SIGLEC6: variants seen among roughly 807,000 people sequenced by gnomAD.
SIGLEC6 encodes the protein sialic acid-binding Ig-like lectin 6.
A neutral mutation model predicts 41.4 loss-of-function variants in SIGLEC6; 31 were observed. That is an observed-to-expected ratio of 0.75 (90% CI 0.56 to 1.01). The LOEUF (loss-of-function observed/expected upper bound fraction) is 1.01, where lower values mean the gene tolerates loss of function less well. SIGLEC6 is among the 50% of genes least tolerant of loss of function. SIGLEC6 has a pLI of 0.00. For synonymous variants in SIGLEC6, 217 were observed against 231.0 expected (o/e 0.94, Z 0.55); for missense variants, 555 against 558.6 (o/e 0.99, Z 0.06).
chr19:51,531,406 A>G lies in SIGLEC6; in HGVS notation c.181T>C (p.Tyr61His). 1.2e-6 allele frequency: 2 copies of G among 1,614,098 alleles called. No homozygotes were observed. Among genetic ancestry groups the G allele is most frequent in the Non-Finnish European group, 1.7e-6 (2 of 1,180,000 alleles). Residue 61 changes from tyrosine to histidine, a missense_variant, in exon 2 of 8, where the codon TAC becomes CAC. Tyr to His is a moderately conservative substitution (Grantham distance 83). Coordinates refer to ENST00000425629, the MANE Select transcript of SIGLEC6 (RefSeq NM_001245.7). ...AGGAACCAGTAGCCATAACCATAGT[A>G]CGAGGCTGGAAGGGTAGTGGGCAAT... The part of the protein sequence containing the change: ...CRLPTTLPAS[Y>H]YGYGYWFLEG...
At chr19:51,521,007 C>T (rs1419486207) in intron 7 of SIGLEC6, among the ~76,000 whole-genome samples, 1 of 152,110 alleles carries the variant, frequency 6.6e-6, no homozygotes, top group East Asian at 1.9e-4. Context: ...TAGTTAAAAA[C>T]AGGAAACAAA....
At chr19:51,521,482 T>C (rs1990934438) in intron 7 of SIGLEC6, among the ~76,000 whole-genome samples, 1 of 152,184 alleles carries the variant, frequency 6.6e-6, no homozygotes, top group East Asian at 1.9e-4. Context: ...TGGGATAATA[T>C]ATTCCTGCCT....
chr19:51,524,149 A>G lies in SIGLEC6; in HGVS notation c.1188+3598T>C, dbSNP rs192310358. 2.1e-3 allele frequency among the ~76,000 whole-genome samples: 322 copies of G among 152,380 alleles called. 2 individuals are homozygous for G. Among genetic ancestry groups the G allele is most frequent in the African/African-American group, 7.5e-3 (310 of 41,594 alleles). On this transcript the variant is annotated intron_variant, in intron 7 of 7. Coordinates refer to ENST00000425629, the MANE Select transcript of SIGLEC6 (RefSeq NM_001245.7). ...ATTAAACTGAGCCAAATCAATAATC[A>G]CATTAAATATAAATGGTCTAAACAC...
chr19:51,527,733 T>G lies in SIGLEC6; in HGVS notation c.1188+14A>C, dbSNP rs1465016581. 1.9e-6 allele frequency: 3 copies of G among 1,612,708 alleles called. No homozygotes were observed. The highest frequency in any genetic ancestry group is 1.7e-6 in the Non-Finnish European group (2 of 1,178,944). On this transcript the variant is annotated intron_variant, in intron 7 of 7. Coordinates refer to ENST00000425629, the MANE Select transcript of SIGLEC6 (RefSeq NM_001245.7). Reference sequence around the variant, plus strand: ...GGATAATGCTGAATGGAAATTAAGGTCTCTGTCACTCACCCTGGAGCCTGA... The same window carrying G: ...GGATAATGCTGAATGGAAATTAAGGGCTCTGTCACTCACCCTGGAGCCTGA...
At chr19:51,524,757 C>T (rs376947313) in intron 7 of SIGLEC6, among the ~76,000 whole-genome samples, 6 of 152,094 alleles carry the variant, frequency 3.9e-5, no homozygotes, top group Admixed American at 1.3e-4. Context: ...AACATTAGCT[C>T]GCCAACTAGA....
intron 7 of SIGLEC6, among the ~76,000 whole-genome samples, chr19:51,527,011 A>C (rs1189657151): frequency 6.6e-6 from 1 of 152,234 alleles, no homozygotes. Context: ...GAATTTTAGA[A>C]ATGAACAAAA....
At position 51,519,313 on chromosome 19, in the gene SIGLEC6, A is replaced by AAG; in HGVS notation, c.*768_*769insCT. Among the ~76,000 whole-genome samples, 1 of 151,150 alleles carries AAG rather than the reference A, an allele frequency of 6.6e-6. No homozygotes were observed. Among genetic ancestry groups the AAG allele is most frequent in the African/African-American group, 2.4e-5 (1 of 41,060 alleles). On this transcript the variant is annotated 3_prime_UTR_variant, in exon 8 of 8. Coordinates refer to ENST00000425629, the MANE Select transcript of SIGLEC6 (RefSeq NM_001245.7). The stretch of plus-strand genomic sequence containing the variant: ...CCATCTCAGAAAAAAAAAAAAAAAA[A>AAG]AAAAGCTAGCCAAAGCCAGATACAA...
chr19:51,525,727 A>T (rs10853836), intron 7 of SIGLEC6, among the ~76,000 whole-genome samples: 82 of 151,356 alleles, frequency 5.4e-4, no homozygotes, highest in African/African-American at 1.9e-3. Flanking sequence ...TCCCTGTGGG[A>T]CCCCTACTCC....
In SIGLEC6 at chr19:51,531,289, T is replaced by C. The variant is rs1034446299; in HGVS notation, c.298A>G (p.Arg100Gly). ...ATGCTCAGGGAGCAGTTCTTCCTTC[T>C]GGGATCCCAGAGGAGGTGGAATCGG... Reference protein sequence around the residue: ...RGRFHLLWDPRRKNCSLSIRD... With the variant: ...RGRFHLLWDPGRKNCSLSIRD... Residue 100 changes from arginine to glycine, a missense_variant, in exon 2 of 8, where the codon AGA (arginine) becomes GGA (glycine). Coordinates refer to ENST00000425629, the MANE Select transcript of SIGLEC6 (RefSeq NM_001245.7). 4.3e-6 allele frequency: 7 copies of C among 1,614,182 alleles called. No homozygotes were observed. Among genetic ancestry groups the C allele is most frequent in the Non-Finnish European group, 5.9e-6 (7 of 1,180,012 alleles).
Position 51,531,265 on chromosome 19 carries a change from T to C in SIGLEC6, c.322A>G (p.Ile108Val). ...DPRRKNCSLS[I>V]RDARRRDNAA... is the part of the protein sequence containing the mutation. ...TTGTCCCTCCTCCGGGCATCTCTGA[T>C]GCTCAGGGAGCAGTTCTTCCTTCTG... Residue 108 changes from isoleucine (I) to valine (V), a missense_variant, in exon 2 of 8, where the codon ATC becomes GTC. Transcript: ENST00000425629. 1 of 1,614,164 alleles carries C rather than the reference T, an allele frequency of 6.2e-7. No homozygotes were observed. The highest frequency in any genetic ancestry group is 8.5e-7 in the Non-Finnish European group (1 of 1,180,006).
chr19:51,522,852 T>A (rs1295907168), intron 7 of SIGLEC6, among the ~76,000 whole-genome samples: 1 of 151,550 alleles, frequency 6.6e-6, no homozygotes, highest in Admixed American at 6.6e-5. Flanking sequence ...TATAAAGAAC[T>A]GGGCTGGGTG....
At position 51,531,597 on chromosome 19, in the gene SIGLEC6, G is replaced by A. The variant is rs370168438; in HGVS notation, c.52C>T (p.Pro18Ser). 21 of 1,613,508 alleles carry A rather than the reference G, an allele frequency of 1.3e-5. No individual in the cohort carries two copies. In the Middle Eastern group the frequency reaches 6.6e-4, roughly 51 times the overall value. Residue 18 changes from proline (P) to serine (S), a missense_variant, in exon 1 of 8, where the codon CCC becomes TCC. By Grantham distance (74) the Pro-to-Ser change is moderately conservative. Transcript: ENST00000425629. ...SASEMLPLLLPLLWAGALAQE... is the reference protein window; with the variant it reads ...SASEMLPLLLSLLWAGALAQE... ...GCCCACTCACCTGCCCACAGCAGGG[G>A]CAGCAGCAGCGGTAGCATCTCTGAG...
At chr19:51,524,010 G>T (rs1157491607) in intron 7 of SIGLEC6, among the ~76,000 whole-genome samples, 1 of 151,716 alleles carries the variant, frequency 6.6e-6, no homozygotes, top group African/African-American at 2.4e-5. Flanking sequence ...GTGACAGAGT[G>T]AGACTCCATC....
intron 5 of SIGLEC6, among the ~76,000 whole-genome samples, chr19:51,528,808 C>T (rs141137281): frequency 6.6e-6 from 1 of 151,992 alleles, no homozygotes; most frequent in African/African-American, 2.4e-5. Context: ...TGGTGAAACC[C>T]TGTCTCTACT....
chr19:51,530,841 C>G lies in SIGLEC6; in HGVS notation c.546G>C (p.Trp182Cys). Residue 182 changes from tryptophan to cysteine, a missense_variant, in exon 3 of 8, where the codon TGG becomes TGC. Coordinates refer to ENST00000425629, the MANE Select transcript of SIGLEC6 (RefSeq NM_001245.7). ...CCAGGGAGGTGGGGGCAGCTGACAT[C>G]CAGGAGAAGATGGGGGGCGTCCCCT... ...CEQGTPPIFS[W>C]MSAAPTSLGP... The G allele has an allele frequency of 1.2e-6, 2 of 1,613,968 alleles. No individual in the cohort carries two copies. Among genetic ancestry groups the G allele is most frequent in the Non-Finnish European group, 1.7e-6 (2 of 1,179,982 alleles).
chr19:51,523,670 A>T (rs1159202124), intron 7 of SIGLEC6, among the ~76,000 whole-genome samples: 1 of 152,204 alleles, frequency 6.6e-6, no homozygotes, highest in Non-Finnish European at 1.5e-5. Context: ...TCTGATAAGG[A>T]GAGGCCCAGT....
intron 7 of SIGLEC6, among the ~76,000 whole-genome samples, chr19:51,521,014 CA>C (rs943680458): frequency 1.3e-5 from 2 of 151,950 alleles, no homozygotes; most frequent in African/African-American, 4.8e-5. Context: ...AAACAGGAAA[CA>C]AAATCACTTT....
Position 51,530,739 on chromosome 19 carries a change from C to G in SIGLEC6, c.648G>C (p.Gln216His), listed in dbSNP as rs1980143743. The G allele has an allele frequency of 1.2e-6, 2 of 1,614,142 alleles. No homozygotes were observed. Among genetic ancestry groups the G allele is most frequent in the Non-Finnish European group, 1.7e-6 (2 of 1,180,000 alleles). The change falls in exon 3 of 8, where the codon CAG (glutamine) becomes CAC (histidine). Residue 216 changes from glutamine (Q) to histidine (H), a missense_variant. By Grantham distance (24) the Gln-to-His change is conservative. Coordinates refer to ENST00000425629, the MANE Select transcript of SIGLEC6 (RefSeq NM_001245.7). ...PQDHSTNLTC[Q>H]VTFPGAGVTM... is the part of the protein sequence containing the mutation. ...TCACACCGGCTCCAGGGAACGTCAC[C>G]TGACAGGTGAGGTTGGTGCTGTGGT...
Position 51,530,011 on chromosome 19 carries a change from G to A in SIGLEC6, c.755-30C>T. The A allele has an allele frequency of 1.9e-6, 3 of 1,553,306 alleles. No homozygotes were observed. The South Asian group carries it at 3.7e-5, about 19-fold the overall frequency. ...GGGGAGAGAGGTGTAGAGAGTTAGA[G>A]ATGGGGTATAGGGGCAAAGCACTGG... On this transcript the variant is annotated intron_variant, in intron 4 of 7. Coordinates refer to ENST00000425629, the MANE Select transcript of SIGLEC6 (RefSeq NM_001245.7).
Sources: gnomAD v4.1 joint callset for allele counts (sites outside exome capture counted in the v4.1 genomes callset) on GRCh38, gnomAD v4.1.1 for gene constraint, MANE v1.5 for transcripts, NCBI Gene and HGNC (gene_info 2026-07-23, HGNC 2026-07-21) for gene names.